The following CSMD1 variants were observed in gnomAD, a reference collection of about 807,000 sequenced individuals.
CSMD1 encodes CUB and Sushi multiple domains 1.
In CSMD1, 213 loss-of-function variants were observed where a neutral mutation model predicts 417.5. The ratio of observed to expected loss-of-function variants is 0.51; its 90% CI spans 0.46 to 0.57. The LOEUF is 0.57. Ranked by LOEUF, CSMD1 falls within the 20% of genes least tolerant of loss-of-function variation. The pLI is 0.00. For synonymous variants in CSMD1, 2,862 were observed against 1,736.8 expected (o/e 1.65, Z -16.11); for missense variants, 6,923 against 4,529.7 (o/e 1.53, Z -15.17).
At chr8:3,443,777 A>T (rs80263193) in intron 12 of CSMD1, among the ~76,000 whole-genome samples, 3,965 of 152,306 alleles carry the variant, frequency 0.026, 89 homozygotes, top group East Asian at 0.092. Flanking sequence ...CAGTAATTTG[A>T]TTGGGAGACA....
At chr8:2,964,883 C>G in intron 59 of CSMD1, among the ~76,000 whole-genome samples, 1 of 152,156 alleles carries the variant, frequency 6.6e-6, no homozygotes. Context: ...AACCATGTGT[C>G]TTGCAGAACT....
At chr8:3,334,794 C>A (rs903226471) in intron 23 of CSMD1, among the ~76,000 whole-genome samples, 3 of 152,184 alleles carry the variant, frequency 2.0e-5, no homozygotes, top group African/African-American at 7.2e-5. Flanking sequence ...CTTCCTAGGT[C>A]TCTCTCTAAT....
chr8:3,848,705 T>G (rs1803678738), intron 5 of CSMD1, among the ~76,000 whole-genome samples: 1 of 152,166 alleles, frequency 6.6e-6, no homozygotes, highest in African/African-American at 2.4e-5. Context: ...CTGTGTGATC[T>G]GATCTCTGAA....
At chr8:4,087,394 G>C (rs577824459) in intron 3 of CSMD1, among the ~76,000 whole-genome samples, 7 of 152,286 alleles carry the variant, frequency 4.6e-5, no homozygotes, top group East Asian at 1.9e-4. Context: ...ACACATAGCT[G>C]TTCTTGCATT....
chr8:4,521,853 C>G (rs1803470161), intron 2 of CSMD1, among the ~76,000 whole-genome samples: 1 of 152,170 alleles, frequency 6.6e-6, no homozygotes, highest in Admixed American at 6.5e-5. Flanking sequence ...GGAGAAAACT[C>G]AGCGCTTTAG....
intron 5 of CSMD1, among the ~76,000 whole-genome samples, chr8:3,783,128 C>A (rs1156971943): frequency 6.6e-6 from 1 of 152,150 alleles, no homozygotes; most frequent in Admixed American, 6.5e-5. Context: ...CGGGATTTAT[C>A]CAGAAGGAGA....
intron 3 of CSMD1, among the ~76,000 whole-genome samples, chr8:4,233,215 C>A (rs889607366): frequency 1.3e-5 from 2 of 152,080 alleles, no homozygotes; most frequent in African/African-American, 4.8e-5. Flanking sequence ...TCAATTTTTT[C>A]TTTTTCTTTT....
chr8:4,422,969 T>C (rs902177232), intron 2 of CSMD1, among the ~76,000 whole-genome samples: 3 of 151,628 alleles, frequency 2.0e-5, no homozygotes, highest in Admixed American at 6.6e-5. Context: ...CATTTGACAA[T>C]AATAATCATT....
At chr8:3,979,223 A>G (rs958396056) in intron 5 of CSMD1, among the ~76,000 whole-genome samples, 9 of 152,194 alleles carry the variant, frequency 5.9e-5, no homozygotes, top group African/African-American at 2.2e-4. Flanking sequence ...ATGTATAGGA[A>G]GTTTTAGGCC....
chr8:3,733,843 C>T (rs544854699), intron 6 of CSMD1, among the ~76,000 whole-genome samples: 1 of 152,096 alleles, frequency 6.6e-6, no homozygotes, highest in African/African-American at 2.4e-5. Flanking sequence ...TTGTTTATCT[C>T]ATATGTGCCC....
intron 3 of CSMD1, among the ~76,000 whole-genome samples, chr8:4,335,490 G>A (rs1301685683): frequency 6.6e-6 from 1 of 152,038 alleles, no homozygotes; most frequent in Non-Finnish European, 1.5e-5. Context: ...GAATACAAAT[G>A]TCCTGAACAA....
At chr8:3,039,658 T>G (rs886760529) in intron 50 of CSMD1, among the ~76,000 whole-genome samples, 1 of 152,154 alleles carries the variant, frequency 6.6e-6, no homozygotes, top group Admixed American at 6.6e-5. Context: ...CTAAATGACC[T>G]CGTCTGCATT....
intron 5 of CSMD1, among the ~76,000 whole-genome samples, chr8:3,776,553 G>A (rs896969493): frequency 1.3e-5 from 2 of 152,118 alleles, no homozygotes; most frequent in East Asian, 1.9e-4. Flanking sequence ...TAGAATGCCA[G>A]ATATTCTCAA....
chr8:3,388,366 T>G (rs1051404528), intron 17 of CSMD1, among the ~76,000 whole-genome samples: 1 of 151,360 alleles, frequency 6.6e-6, no homozygotes, highest in Non-Finnish European at 1.5e-5. Flanking sequence ...ATTTCTCTTT[T>G]TAGAAAAACA....
Position 3,493,606 on chromosome 8 carries a change from C to T in CSMD1, c.1448+17G>A. 1 of 1,590,076 alleles carries T rather than the reference C, an allele frequency of 6.3e-7. No individual in the cohort carries two copies. The highest frequency in any genetic ancestry group is 1.1e-5 in the South Asian group (1 of 87,522). ...ACTGCATGCATAAGAGAAGAAGAAGCTCAAGGACATACTCACACGTACAAG... is the reference window on the plus strand; with the variant it reads ...ACTGCATGCATAAGAGAAGAAGAAGTTCAAGGACATACTCACACGTACAAG... On this transcript the variant is annotated intron_variant, in intron 11 of 69. Transcript: ENST00000635120.
At chr8:3,524,361 G>A (rs570807771) in intron 10 of CSMD1, among the ~76,000 whole-genome samples, 7 of 134,372 alleles carry the variant, frequency 5.2e-5, no homozygotes, top group South Asian at 5.0e-4. Flanking sequence ...AAAGACAGGC[G>A]CACACAAGTG....
chr8:3,590,110 CAT>C (rs1170651478), intron 8 of CSMD1, among the ~76,000 whole-genome samples: 8 of 151,848 alleles, frequency 5.3e-5, no homozygotes, highest in Non-Finnish European at 1.2e-4. Context: ...ATAAAAATGA[CAT>C]GTAGTAATAT....
chr8:4,700,554 A>G (rs907326371), intron 1 of CSMD1, among the ~76,000 whole-genome samples: 1 of 152,180 alleles, frequency 6.6e-6, no homozygotes, highest in Admixed American at 6.5e-5. Flanking sequence ...CAAAGGATGA[A>G]AAACTTAAGT....
At chr8:4,308,872 A>G (rs141559475) in intron 3 of CSMD1, among the ~76,000 whole-genome samples, 21 of 152,320 alleles carry the variant, frequency 1.4e-4, no homozygotes, top group Non-Finnish European at 2.4e-4. Context: ...TGATTATATT[A>G]TAGCTATAAA....
Sources: gnomAD v4.1 joint callset for allele counts (sites outside exome capture counted in the v4.1 genomes callset) on GRCh38, gnomAD v4.1.1 for gene constraint, MANE v1.5 for transcripts, NCBI Gene and HGNC (gene_info 2026-07-23, HGNC 2026-07-21) for gene names.